Variants in NRXN1 observed in about 807,000 individuals in gnomAD.
The protein encoded by NRXN1 is neurexin 1.
A neutral mutation model predicts 150.9 loss-of-function variants in NRXN1; 39 were observed. The observed-to-expected ratio is 0.26, with a 90% CI of 0.20 to 0.34. The LOEUF is 0.34. Among genes scored for constraint, NRXN1 ranks in the 10% least tolerant of loss-of-function variants. NRXN1 has a pLI of 1.00. For missense variants in NRXN1, 1,815 were observed against 1,949.9 expected, an observed-to-expected ratio of 0.93 and a Z score of 1.30; for synonymous variants, 924 against 757.0, an observed-to-expected ratio of 1.22 and a Z score of -3.62.
intron 18 of NRXN1, among the ~76,000 whole-genome samples, chr2:50,169,625 A>C (rs2152799315): frequency 6.6e-6 from 1 of 151,112 alleles, no homozygotes; most frequent in South Asian, 2.1e-4. Flanking sequence ...AGGAAGGAGA[A>C]TTGCTTGAAC....
At position 50,502,109 on chromosome 2, in the gene NRXN1, C is replaced by A. The variant is rs1253764058; in HGVS notation, c.2497+4386G>T. Reference sequence around the variant, plus strand: ...AAGCTTTCATTGCCACATTTGGAAGCCTTTTATGTACTACGTAAATCAAGA... The same window carrying A: ...AAGCTTTCATTGCCACATTTGGAAGACTTTTATGTACTACGTAAATCAAGA... On this transcript the variant is annotated intron_variant, in intron 13 of 22. Coordinates refer to ENST00000401669, the MANE Select transcript of NRXN1 (RefSeq NM_001330078.2). 7.9e-5 allele frequency among the ~76,000 whole-genome samples: 12 copies of A among 151,792 alleles called. No individual in the cohort carries two copies. In the East Asian group the frequency reaches 2.3e-3, roughly 29 times the overall value.
chr2:50,956,604 T>C (rs927380754), intron 2 of NRXN1, among the ~76,000 whole-genome samples: 3 of 151,782 alleles, frequency 2.0e-5, no homozygotes, highest in African/African-American at 7.3e-5. Flanking sequence ...AAAAATTAGC[T>C]GGGTGTGGTA....
rs369465948 is a variant in NRXN1 at position 49,967,523 on chromosome 2, G to C, written c.4129-23732C>G. 1.1e-4 allele frequency among the ~76,000 whole-genome samples: 17 copies of C among 152,086 alleles called. No homozygotes were observed. In the East Asian group the frequency reaches 2.5e-3, roughly 22 times the overall value. ...TAGACATAAAACATGCATTATCCTTGTTTGAATGGCATGTCTTTGAAAATG... is the reference window on the plus strand; with the variant it reads ...TAGACATAAAACATGCATTATCCTTCTTTGAATGGCATGTCTTTGAAAATG... On this transcript the variant is annotated intron_variant, in intron 21 of 22. Transcript: ENST00000401669.
intron 2 of NRXN1, among the ~76,000 whole-genome samples, chr2:50,956,368 T>C (rs927255771): frequency 1.3e-5 from 2 of 152,152 alleles, no homozygotes; most frequent in African/African-American, 4.8e-5. Context: ...TTGGAACATA[T>C]TCCCCTCATG....
intron 17 of NRXN1, among the ~76,000 whole-genome samples, chr2:50,411,836 C>T (rs558895024): frequency 3.3e-5 from 5 of 152,288 alleles, no homozygotes; most frequent in South Asian, 2.1e-4. Context: ...TCATTGAGAA[C>T]GGGCCATGAT....
intron 1 of NRXN1, 77 bp from the exon 2 acceptor site, chr2:51,029,271 A>C (rs1489197576): frequency 6.6e-6 from 1 of 152,222 alleles, no homozygotes; most frequent in Non-Finnish European, 1.5e-5. Flanking sequence ...CTCATAACAC[A>C]AGTGTAGACC....
intron 17 of NRXN1, among the ~76,000 whole-genome samples, chr2:50,251,516 G>T (rs1306958832): frequency 6.6e-6 from 1 of 152,092 alleles, no homozygotes; most frequent in African/African-American, 2.4e-5. Flanking sequence ...CTTTATAATA[G>T]AATGATTTAT....
chr2:49,944,417 C>T (rs1156514641), intron 21 of NRXN1, among the ~76,000 whole-genome samples: 1 of 152,162 alleles, frequency 6.6e-6, no homozygotes, highest in Non-Finnish European at 1.5e-5. Context: ...ATTGCTTCCT[C>T]ATCATCCCTT....
intron 18 of NRXN1, among the ~76,000 whole-genome samples, chr2:50,216,266 GTTAA>G (rs773926833): frequency 4.0e-5 from 6 of 151,844 alleles, no homozygotes; most frequent in Non-Finnish European, 8.8e-5. Context: ...TGTCAAATGA[GTTAA>G]TTATCTCAAA....
chr2:50,946,888 A>G (rs1163259656), intron 2 of NRXN1, among the ~76,000 whole-genome samples: 1 of 152,172 alleles, frequency 6.6e-6, no homozygotes, highest in Admixed American at 6.6e-5. Context: ...GCTTTTGCTG[A>G]ATATTGCTTA....
intron 17 of NRXN1, among the ~76,000 whole-genome samples, chr2:50,245,545 A>G (rs1262807606): frequency 6.6e-6 from 1 of 152,058 alleles, no homozygotes. Context: ...AGGAACTTTA[A>G]GAAAAATCTA....
chr2:49,987,773 G>A (rs939360706), intron 21 of NRXN1, among the ~76,000 whole-genome samples: 21 of 137,646 alleles, frequency 1.5e-4, no homozygotes, highest in African/African-American at 5.1e-4. Flanking sequence ...TTTTTTTTTT[G>A]ACTCAGCTGT....
chr2:50,203,336 T>C (rs988081238), intron 18 of NRXN1, among the ~76,000 whole-genome samples: 4 of 152,202 alleles, frequency 2.6e-5, no homozygotes, highest in African/African-American at 9.6e-5. Flanking sequence ...AACAGTCAAA[T>C]GAGCTCTACA....
At chr2:50,680,172 A>G (rs1452587641) in intron 5 of NRXN1, among the ~76,000 whole-genome samples, 1 of 152,116 alleles carries the variant, frequency 6.6e-6, no homozygotes, top group Non-Finnish European at 1.5e-5. Flanking sequence ...TAGGAAAAAC[A>G]ACATTACATC....
At chr2:50,784,574 T>C (rs1263732234) in intron 5 of NRXN1, among the ~76,000 whole-genome samples, 2 of 152,126 alleles carry the variant, frequency 1.3e-5, no homozygotes, top group East Asian at 3.8e-4. Flanking sequence ...CGACAGATAT[T>C]ATGATGAAGA....
chr2:50,173,166 T>C (rs1341879782), intron 18 of NRXN1, among the ~76,000 whole-genome samples: 1 of 152,176 alleles, frequency 6.6e-6, no homozygotes, highest in Non-Finnish European at 1.5e-5. Context: ...ATGTGCTATC[T>C]GGAGCATAAC....
intron 19 of NRXN1, among the ~76,000 whole-genome samples, chr2:50,086,266 G>A (rs1698762503): frequency 6.6e-6 from 1 of 152,094 alleles, no homozygotes; most frequent in Admixed American, 6.5e-5. Context: ...AATTACTGAT[G>A]ACTTGAATTA....
At chr2:50,918,589 T>G in intron 5 of NRXN1, 1 of 373,400 alleles carries the variant, frequency 2.7e-6, no homozygotes, top group East Asian at 3.7e-5. Context: ...GTATAACATA[T>G]TTTGACTTTT....
At chr2:50,294,903 G>T (rs1364533280) in intron 17 of NRXN1, among the ~76,000 whole-genome samples, 1 of 152,164 alleles carries the variant, frequency 6.6e-6, no homozygotes, top group Non-Finnish European at 1.5e-5. Context: ...ATCCCTATCA[G>T]TCGATGGAGG....
Sources: gnomAD v4.1 joint callset for allele counts (sites outside exome capture counted in the v4.1 genomes callset) on GRCh38, gnomAD v4.1.1 for gene constraint, MANE v1.5 for transcripts, NCBI Gene and HGNC (gene_info 2026-07-23, HGNC 2026-07-21) for gene names.